PPARGC1A: variants seen among roughly 807,000 people sequenced by gnomAD.
The protein encoded by PPARGC1A is peroxisome proliferator-activated receptor gamma coactivator 1-alpha.
A neutral mutation model predicts 88.7 loss-of-function variants in PPARGC1A; 25 were observed. The observed-to-expected ratio is 0.28, with a 90% confidence interval of 0.21 to 0.39. The LOEUF is 0.39. Ranked by LOEUF, PPARGC1A falls within the 10% of genes least tolerant of loss-of-function variation. The pLI is 1.00. For synonymous variants in PPARGC1A, 363 were observed against 355.6 expected (o/e 1.02, Z -0.24); for missense variants, 880 against 968.7 (o/e 0.91, Z 1.22).
the PPARGC1A span, among the ~76,000 whole-genome samples, chr4:24,160,283 G>A: frequency 7.2e-4 from 109 of 152,246 alleles, 1 homozygote; most frequent in Admixed American, 2.7e-3. Context: ...CAGATAAAAA[G>A]CCTTGTCCTT....
In PPARGC1A at chr4:23,795,882, C is replaced by A; in HGVS notation, c.2337G>T (p.Lys779Asn). The A allele has an allele frequency of 6.2e-7, 1 of 1,612,010 alleles. No individual in the cohort carries two copies. Among genetic ancestry groups the A allele is most frequent in the Non-Finnish European group, 8.5e-7 (1 of 1,179,198 alleles). Reference sequence around the variant, plus strand: ...AACTATCAAAATCCAGAGAGTCATACTTGCTCTTGGTGGAAGCAGGGTCAA... The same window carrying A: ...AACTATCAAAATCCAGAGAGTCATAATTGCTCTTGGTGGAAGCAGGGTCAA... ...DDFDPASTKS[K>N]YDSLDFDSLL... Residue 779 changes from lysine (K) to asparagine (N), a missense_variant, in exon 13 of 13, where the codon AAG becomes AAT. Physicochemically the swap from Lys to Asn is moderately conservative, Grantham distance 94. Coordinates refer to ENST00000264867, the MANE Select transcript of PPARGC1A (RefSeq NM_013261.5).
chr4:23,921,336 A>G, the PPARGC1A span, among the ~76,000 whole-genome samples: 5 of 152,320 alleles, frequency 3.3e-5, no homozygotes, highest in Non-Finnish European at 7.3e-5. Context: ...ATGTGAAGGG[A>G]TTCTTCAACT....
chr4:23,940,997 A>C, the PPARGC1A span, among the ~76,000 whole-genome samples: 13 of 152,212 alleles, frequency 8.5e-5, no homozygotes, highest in African/African-American at 3.1e-4. Flanking sequence ...TGTTAAACAG[A>C]TACCTTGTCA....
At chr4:23,825,783 CT>C (rs1723822365) in intron 5 of PPARGC1A, among the ~76,000 whole-genome samples, 1 of 152,056 alleles carries the variant, frequency 6.6e-6, no homozygotes, top group Non-Finnish European at 1.5e-5. Context: ...AAATATGAAG[CT>C]CATATCTTCA....
the PPARGC1A span, among the ~76,000 whole-genome samples, chr4:24,204,085 A>G: frequency 2.0e-5 from 3 of 152,228 alleles, no homozygotes; most frequent in African/African-American, 7.2e-5. Context: ...GGGTAAGTAT[A>G]GTATCAGTTA....
At chr4:23,935,164 G>A in the PPARGC1A span, among the ~76,000 whole-genome samples, 49,981 of 151,964 alleles carry the variant, frequency 0.33, 8,620 homozygotes, top group Non-Finnish European at 0.39. Flanking sequence ...CACAATGCTC[G>A]CATGCCTGGG....
intron 2 of PPARGC1A, among the ~76,000 whole-genome samples, chr4:23,844,083 G>A (rs1359309297): frequency 6.6e-5 from 10 of 150,654 alleles, no homozygotes; most frequent in Admixed American, 2.7e-4. Flanking sequence ...TGTTTTCTAG[G>A]AACTTGCATT....
chr4:24,122,575 A>T, the PPARGC1A span, among the ~76,000 whole-genome samples: 1 of 152,098 alleles, frequency 6.6e-6, no homozygotes, highest in Non-Finnish European at 1.5e-5. Context: ...GCTAAGTACC[A>T]TAAGGTACTG....
the PPARGC1A span, among the ~76,000 whole-genome samples, chr4:24,172,359 T>C: frequency 6.6e-6 from 1 of 152,240 alleles, no homozygotes; most frequent in Non-Finnish European, 1.5e-5. Context: ...CATTCATTCA[T>C]TTTTTAAAGA....
At chr4:24,267,347 A>G in the PPARGC1A span, among the ~76,000 whole-genome samples, 1 of 152,234 alleles carries the variant, frequency 6.6e-6, no homozygotes, top group Non-Finnish European at 1.5e-5. Context: ...AAGCCCCAGC[A>G]GGGAACCAAA....
At chr4:23,902,254 A>T (rs1189221072), upstream of PPARGC1A, among the ~76,000 whole-genome samples, 3 of 152,212 alleles carry the variant, frequency 2.0e-5, no homozygotes, top group Non-Finnish European at 2.9e-5. Flanking sequence ...ACAAAACTTT[A>T]AAGTTTTGCA....
the PPARGC1A span, among the ~76,000 whole-genome samples, chr4:24,305,806 A>G: frequency 2.0e-5 from 3 of 152,098 alleles, no homozygotes; most frequent in Non-Finnish European, 4.4e-5. Flanking sequence ...GAGCGAAACT[A>G]CATCTCAAAA....
At chr4:24,333,229 G>C in the PPARGC1A span, among the ~76,000 whole-genome samples, 1 of 151,836 alleles carries the variant, frequency 6.6e-6, no homozygotes, top group African/African-American at 2.4e-5. Flanking sequence ...GGGCAACAGA[G>C]CAAGACTCCA....
chr4:24,069,896 C>A, the PPARGC1A span, among the ~76,000 whole-genome samples: 1 of 152,130 alleles, frequency 6.6e-6, no homozygotes, highest in Non-Finnish European at 1.5e-5. Context: ...TAGTCCCAGG[C>A]CCTATAAACT....
chr4:24,130,744 G>A, the PPARGC1A span, among the ~76,000 whole-genome samples: 4 of 152,128 alleles, frequency 2.6e-5, no homozygotes, highest in South Asian at 8.3e-4. Flanking sequence ...CTAACATTTG[G>A]TGCTTCTATA....
At chr4:24,226,943 T>A in the PPARGC1A span, among the ~76,000 whole-genome samples, 1 of 152,174 alleles carries the variant, frequency 6.6e-6, no homozygotes, top group African/African-American at 2.4e-5. Context: ...TGGAACTTCT[T>A]ATAGGATCTT....
chr4:23,913,947 C>T, the PPARGC1A span, among the ~76,000 whole-genome samples: 2 of 152,132 alleles, frequency 1.3e-5, no homozygotes, highest in Non-Finnish European at 2.9e-5. Flanking sequence ...AAAGGCTTGC[C>T]TTTGAAGCAC....
chr4:23,875,477 T>A (rs1714505357), intron 2 of PPARGC1A, among the ~76,000 whole-genome samples: 1 of 151,956 alleles, frequency 6.6e-6, no homozygotes, highest in Non-Finnish European at 1.5e-5. Context: ...AGTGAAGGTG[T>A]TGTCGGTCTG....
At chr4:24,447,791 A>G in the PPARGC1A span, among the ~76,000 whole-genome samples, 2 of 152,194 alleles carry the variant, frequency 1.3e-5, no homozygotes, top group East Asian at 1.9e-4. Context: ...AGGAGAAAAC[A>G]TCGGCATGAA....
Sources: allele counts gnomAD v4.1 joint callset (sites outside exome capture counted in the v4.1 genomes callset), GRCh38; gene constraint gnomAD v4.1.1; transcripts MANE v1.5; gene names NCBI Gene and HGNC (gene_info 2026-07-23, HGNC 2026-07-21).